MYO9B: variants seen among roughly 807,000 people sequenced by gnomAD.
The protein encoded by MYO9B is myosin IXB, also known as unconventional myosin-IXb.
A neutral mutation model predicts 229.5 loss-of-function variants in MYO9B; 71 were observed. The observed-to-expected ratio is 0.31, with a 90% CI of 0.26 to 0.38. MYO9B has a LOEUF of 0.38. Among genes scored for constraint, MYO9B ranks in the 10% least tolerant of loss-of-function variants. The pLI is 1.00. For missense variants in MYO9B, 2,255 were observed against 2,920.5 expected (o/e 0.77, Z 5.25); for synonymous variants, 1,185 against 1,235.8 (o/e 0.96, Z 0.86).
chr19:17,202,008 C>T lies in MYO9B; in HGVS notation c.4646C>T (p.Thr1549Met), dbSNP rs776157783. Residue 1549 changes from threonine (T) to methionine (M), a missense_variant, in exon 27 of 40, where the codon ACG becomes ATG. By Grantham distance (81) the Thr-to-Met change is moderately conservative. Coordinates refer to ENST00000682292, the MANE Select transcript of MYO9B (RefSeq NM_004145.4). Reference protein sequence around the residue: ...ATEKFRSNIKTMYSVPNGKIH... With the variant: ...ATEKFRSNIKMMYSVPNGKIH... ...GAGAAGTTCAGGAGCAACATCAAAACGATGTACTCTGTCCCGGTATGTGGC... is the reference window on the plus strand; with the variant it reads ...GAGAAGTTCAGGAGCAACATCAAAATGATGTACTCTGTCCCGGTATGTGGC... 1.9e-5 allele frequency: 31 copies of T among 1,612,656 alleles called. No homozygotes were observed. Among genetic ancestry groups the T allele is most frequent in the Admixed American group, 8.4e-5 (5 of 59,784 alleles).
chr19:17,180,287 T>C (rs2072842694), intron 14 of MYO9B, among the ~76,000 whole-genome samples: 1 of 151,630 alleles, frequency 6.6e-6, no homozygotes, highest in Admixed American at 6.6e-5. Context: ...TGAGAACTTT[T>C]TCAGTGATCC....
Position 17,101,875 on chromosome 19 carries a change from C to T in MYO9B, c.158C>T (p.Ala53Val). 1 of 1,613,234 alleles carries T rather than the reference C, an allele frequency of 6.2e-7. No homozygotes were observed. The highest frequency in any genetic ancestry group is 8.5e-7 in the Non-Finnish European group (1 of 1,179,802). The change falls in exon 2 of 40, where the codon GCC becomes GTC. Residue 53 changes from alanine (A) to valine (V), a missense_variant. By Grantham distance (64) the Ala-to-Val change is moderately conservative (BLOSUM62 0). This residue lies in a region of MYO9B where 386 missense variants were observed against 515.2 expected (regional missense o/e 0.75). Transcript: ENST00000682292. This position sits in a 1 kb window ranked among gnomAD's most constrained non-coding sequence, Gnocchi z 4.7. ...TTSDVIKDAI[A>V]SLRLDGTKCY... ...TCGGACGTCATCAAGGACGCCATTG[C>T]CAGCCTGCGGCTGGACGGCACCAAA...
chr19:17,175,585 A>C (rs2072777435), intron 13 of MYO9B, 78 bp from the exon 14 acceptor site: 1 of 1,195,984 alleles, frequency 8.4e-7, no homozygotes, highest in African/African-American at 1.6e-5. Flanking sequence ...TCTCAAATAA[A>C]TAAATAAAAT....
At position 17,212,008 on chromosome 19, in the gene MYO9B, AC is replaced by A. The variant is rs1388909247; in HGVS notation, c.6178del (p.Arg2060GlyfsTer68). On this transcript the variant is annotated frameshift_variant, in exon 40 of 40. Transcript: ENST00000682292. LOFTEE classifies it low-confidence loss of function (END_TRUNC). This position sits in a 1 kb window ranked among gnomAD's most constrained non-coding sequence, Gnocchi z 5.4. ...PSSFVTVRVK[T>X]PRRTPIMPTA... ...GTCCTTCGTAACGGTCAGAGTGAAG[AC>A]CCCCCGGCGGACCCCCATCATGCCC... is the stretch of plus-strand genomic sequence containing the variant. 6.3e-7 allele frequency: 1 copy of A among 1,596,004 alleles called. No homozygotes were observed.
chr19:17,153,142 G>A (rs760544483), intron 4 of MYO9B, among the ~76,000 whole-genome samples: 1 of 148,110 alleles, frequency 6.8e-6, no homozygotes, highest in Non-Finnish European at 1.5e-5. Flanking sequence ...CTCTGTTTTT[G>A]GTTGGTTGGT....
In MYO9B at chr19:17,206,358, G is replaced by A; in HGVS notation, c.5368G>A (p.Asp1790Asn). Residue 1790 changes from aspartate (D) to asparagine (N), a missense_variant, in exon 33 of 40, where the codon GAC (aspartate) becomes AAC (asparagine). Around this residue, in one of 7 missense-constraint regions of MYO9B, gnomAD observed 416 missense variants for 605.5 expected, o/e 0.69. Coordinates refer to ENST00000682292, the MANE Select transcript of MYO9B (RefSeq NM_004145.4). The part of the protein sequence containing the change: ...EPLMTFAQYG[D>N]FLRAVELPEK... Reference sequence around the variant, plus strand: ...CCTCATGACCTTCGCACAGTACGGCGACTTCCTCCGAGCCGTCGGTGAGCC... The same window carrying A: ...CCTCATGACCTTCGCACAGTACGGCAACTTCCTCCGAGCCGTCGGTGAGCC... The A allele has an allele frequency of 4.3e-6, 7 of 1,610,540 alleles. No homozygotes were observed. Among genetic ancestry groups the A allele is most frequent in the East Asian group, 2.2e-5 (1 of 44,858 alleles).
chr19:17,117,937 C>CAAA (rs567862829), intron 2 of MYO9B, among the ~76,000 whole-genome samples: 999 of 91,316 alleles, frequency 0.011, 19 homozygotes, highest in African/African-American at 0.041. Flanking sequence ...CACTCTTCCT[C>CAAA]AAAAAAAAAA....
chr19:17,169,248 T>C (rs1053174095), intron 11 of MYO9B, among the ~76,000 whole-genome samples: 2 of 151,748 alleles, frequency 1.3e-5, no homozygotes, highest in African/African-American at 4.8e-5. Flanking sequence ...GACAGGCGCC[T>C]GTAATCCCAG....
Position 17,172,598 on chromosome 19 carries a change from C to A in MYO9B, c.1935+121C>A. On this transcript the variant is annotated intron_variant, in intron 12 of 39. Coordinates refer to ENST00000682292, the MANE Select transcript of MYO9B (RefSeq NM_004145.4). The surrounding 1 kb of genome is among the most constrained non-coding windows in gnomAD (Gnocchi z 8.2). ...AGGGTGCTCAGAACCCACCGCGAAT[C>A]CCCGGCTCCAATGTCCAAGGCGCCA... is the stretch of plus-strand genomic sequence containing the variant. The A allele has an allele frequency of 6.8e-7, 1 of 1,464,428 alleles. No homozygotes were observed. The highest frequency in any genetic ancestry group is 9.3e-7 in the Non-Finnish European group (1 of 1,079,348). 90.7% of individuals were successfully genotyped at this position (1,464,428 alleles called of 1,614,324 possible). A position where few individuals can be genotyped will look rare whatever the true frequency, so the allele number is the denominator to read the frequency against.
Position 17,083,026 on chromosome 19 carries a change from C to CTTTTTTT in MYO9B, c.-59+7168_-59+7174dup, listed in dbSNP as rs71334657. Among the ~76,000 whole-genome samples, 9 of 90,906 alleles carry CTTTTTTT rather than the reference C, an allele frequency of 9.9e-5. 1 individual carries two copies. The highest frequency in any genetic ancestry group is 5.8e-4 in the Admixed American group (4 of 6,858). The allele number at this position is 90,906 out of a possible 152,430, so 59.6% of individuals were successfully genotyped here. ...GGAGGCTGAAAGTGTGTGAATCTTG[C>CTTTTTTT]TTTTTTTTTTTTTTTTTTTTTTGAG... On this transcript the variant is annotated intron_variant, in intron 1 of 39. Coordinates refer to ENST00000682292, the MANE Select transcript of MYO9B (RefSeq NM_004145.4).
chr19:17,181,307 C>T (rs1239813238), intron 15 of MYO9B, among the ~76,000 whole-genome samples: 1 of 152,230 alleles, frequency 6.6e-6, no homozygotes, highest in Non-Finnish European at 1.5e-5. Flanking sequence ...ATTTTCCACC[C>T]GCAAACGTGC....
At chr19:17,154,202 A>G in intron 5 of MYO9B, 113 bp from the exon 6 acceptor site, 1 of 1,336,254 alleles carries the variant, frequency 7.5e-7, no homozygotes. Context: ...AAAAGAACCC[A>G]TTCATTCCCC....
intron 1 of MYO9B, among the ~76,000 whole-genome samples, chr19:17,077,655 A>T (rs2057498682): frequency 6.6e-6 from 1 of 151,380 alleles, no homozygotes; most frequent in Admixed American, 6.6e-5. Context: ...GAATGAATTG[A>T]CCTCCATCAG....
At chr19:17,085,628 G>T (rs2057574879) in intron 1 of MYO9B, among the ~76,000 whole-genome samples, 1 of 151,494 alleles carries the variant, frequency 6.6e-6, no homozygotes. Context: ...GTTTGAGACT[G>T]GCCTGGGCAA....
At chr19:17,131,866 T>G (rs2072200517) in intron 2 of MYO9B, among the ~76,000 whole-genome samples, 3 of 151,882 alleles carry the variant, frequency 2.0e-5, no homozygotes, top group Admixed American at 6.6e-5. Context: ...GTTTTTAAAA[T>G]TTTTCTTTAA....
intron 3 of MYO9B, among the ~76,000 whole-genome samples, chr19:17,148,688 A>G (rs752656341): frequency 3.3e-5 from 5 of 152,248 alleles, no homozygotes; most frequent in Non-Finnish European, 5.9e-5. Context: ...GGCTCAAGCA[A>G]TTCTTGTGCC....
In MYO9B at chr19:17,101,927, G is replaced by A. The variant is rs766954986; in HGVS notation, c.210G>A (p.Glu70=). Residue 70 remains glutamate (E), a synonymous_variant, in exon 2 of 40, where the codon GAG becomes GAA. Coordinates refer to ENST00000682292, the MANE Select transcript of MYO9B (RefSeq NM_004145.4). This position sits in a 1 kb window ranked among gnomAD's most constrained non-coding sequence, Gnocchi z 4.7. The part of the protein sequence containing the change: ...TKCYVLVEVK[E]SGGEEWVLDA... ...GTTATGTGCTGGTGGAGGTCAAAGA[G>A]TCGGGAGGCGAGGAATGGGTGCTGG... The A allele has an allele frequency of 1.2e-6, 2 of 1,613,666 alleles. No individual in the cohort carries two copies. The highest frequency in any genetic ancestry group is 2.2e-5 in the South Asian group (2 of 91,074).
At chr19:17,106,860 C>T (rs1389925129) in intron 2 of MYO9B, among the ~76,000 whole-genome samples, 2 of 152,138 alleles carry the variant, frequency 1.3e-5, no homozygotes, top group African/African-American at 4.8e-5. Flanking sequence ...GTCAAGAGTT[C>T]GAGACCAGCC....
chr19:17,210,615 C>CA, intron 37 of MYO9B, 100 bp from the exon 38 acceptor site: 1 of 1,393,862 alleles, frequency 7.2e-7, no homozygotes, highest in Non-Finnish European at 9.5e-7. Context: ...GAGCCCAGCA[C>CA]ACTCACATCA....
Sources: allele counts gnomAD v4.1 joint callset (sites outside exome capture counted in the v4.1 genomes callset), GRCh38; gene constraint gnomAD v4.1.1; regional missense constraint gnomAD v4.1.1; non-coding constraint Gnocchi (gnomAD v3.1); transcripts MANE v1.5; gene names NCBI Gene and HGNC (gene_info 2026-07-23, HGNC 2026-07-21).